RARB: variants seen among roughly 807,000 people sequenced by gnomAD.
RARB encodes the protein retinoic acid receptor beta.
RARB carries 17 observed loss-of-function variants against 51.9 expected under a neutral mutation model. That is an observed-to-expected ratio of 0.33 (90% CI 0.22 to 0.49). RARB has a LOEUF of 0.49. Ranked by LOEUF, RARB falls within the 20% of genes least tolerant of loss-of-function variation. RARB has a pLI of 0.99. For missense variants in RARB, 369 were observed against 550.8 expected (o/e 0.67, Z 3.30); for synonymous variants, 215 against 195.4 (o/e 1.10, Z -0.84).
At chr3:24,972,017 C>G (rs1280207957) in intron 2 of RARB, among the ~76,000 whole-genome samples, 4 of 151,840 alleles carry the variant, frequency 2.6e-5, no homozygotes, top group Non-Finnish European at 4.4e-5. Context: ...TTATTCTCTT[C>G]TAGCTATTTT....
intron 2 of RARB, among the ~76,000 whole-genome samples, chr3:24,889,304 G>A (rs938296191): frequency 6.6e-6 from 1 of 152,154 alleles, no homozygotes; most frequent in Admixed American, 6.5e-5. Context: ...ATTAATAAGA[G>A]AGTTAACCTT....
intron 2 of RARB, among the ~76,000 whole-genome samples, chr3:24,888,189 A>G (rs1029818090): frequency 1.8e-4 from 28 of 152,184 alleles, no homozygotes; most frequent in African/African-American, 6.0e-4. Flanking sequence ...GCTGTTCTAC[A>G]TGGAATATCA....
At chr3:25,548,642 CAA>C (rs35411774) in intron 3 of RARB, among the ~76,000 whole-genome samples, 823 of 73,590 alleles carry the variant, frequency 0.011, 7 homozygotes, top group African/African-American at 0.044. Context: ...CCTCCCCCGA[CAA>C]AAAAAAAAAA....
At chr3:25,101,427 T>C (rs1240945252) in intron 3 of RARB, among the ~76,000 whole-genome samples, 1 of 152,160 alleles carries the variant, frequency 6.6e-6, no homozygotes, top group Non-Finnish European at 1.5e-5. Flanking sequence ...ATGAGAAAAT[T>C]GTATTATCTA....
intron 2 of RARB, among the ~76,000 whole-genome samples, chr3:25,027,935 G>A (rs1697785630): frequency 6.6e-6 from 1 of 151,336 alleles, no homozygotes; most frequent in African/African-American, 2.4e-5. Flanking sequence ...GCACACTTAA[G>A]ACCTTCTCTG....
chr3:24,876,011 G>A (rs938463430), intron 2 of RARB, among the ~76,000 whole-genome samples: 1 of 152,000 alleles, frequency 6.6e-6, no homozygotes, highest in African/African-American at 2.4e-5. Context: ...CCCTCCGTTT[G>A]GATCTAATAA....
intron 2 of RARB, among the ~76,000 whole-genome samples, chr3:25,040,965 G>A (rs1575131856): frequency 6.6e-6 from 1 of 152,152 alleles, no homozygotes; most frequent in South Asian, 2.1e-4. Context: ...GTTTTTGGTT[G>A]CATCATTCAT....
chr3:25,079,048 GT>G (rs113963226), intron 3 of RARB, among the ~76,000 whole-genome samples: 38 of 148,360 alleles, frequency 2.6e-4, no homozygotes, highest in Admixed American at 4.7e-4. Flanking sequence ...ATTTATGTAG[GT>G]TTTTTTTTTA....
At chr3:25,375,969 G>C (rs534280065) in intron 5 of RARB, among the ~76,000 whole-genome samples, 61 of 152,160 alleles carry the variant, frequency 4.0e-4, no homozygotes, top group Non-Finnish European at 7.9e-4. Flanking sequence ...AAGAAATGGG[G>C]ATAATGTTAC....
chr3:25,481,772 A>T (rs368257984), intron 2 of RARB, among the ~76,000 whole-genome samples: 1 of 151,984 alleles, frequency 6.6e-6, no homozygotes, highest in African/African-American at 2.4e-5. Context: ...ACCTTTTACC[A>T]CTTCCATTTG....
At chr3:25,020,100 TTCTC>T (rs1366865964) in intron 2 of RARB, 11 of 143,842 alleles carry the variant, frequency 7.6e-5, no homozygotes, top group African/African-American at 2.5e-4. Context: ...TATACTCAAG[TTCTC>T]TATTATTATT....
At chr3:25,470,759 C>CT (rs1366958027) in intron 2 of RARB, among the ~76,000 whole-genome samples, 3 of 152,180 alleles carry the variant, frequency 2.0e-5, no homozygotes, top group African/African-American at 7.2e-5. Flanking sequence ...AGGTCCCCCT[C>CT]TTTTACATTT....
chr3:25,030,018 GC>G (rs2125289512), intron 2 of RARB, among the ~76,000 whole-genome samples: 1 of 152,318 alleles, frequency 6.6e-6, no homozygotes, highest in African/African-American at 2.4e-5. Context: ...CCGTTGGAAA[GC>G]CCTTTATTCC....
chr3:25,258,561 G>A (rs984016690), intron 5 of RARB, among the ~76,000 whole-genome samples: 9 of 152,118 alleles, frequency 5.9e-5, no homozygotes, highest in African/African-American at 1.9e-4. Context: ...CCTGAAGTGG[G>A]CATTTGGAAT....
chr3:25,471,935 C>G (rs778089903), intron 2 of RARB, among the ~76,000 whole-genome samples: 3 of 152,278 alleles, frequency 2.0e-5, no homozygotes, highest in Middle Eastern at 3.4e-3. Context: ...ATCAGCCCCC[C>G]TCTACCTTCT....
At chr3:25,029,633 C>G (rs567208065) in intron 2 of RARB, among the ~76,000 whole-genome samples, 1 of 152,164 alleles carries the variant, frequency 6.6e-6, no homozygotes, top group Non-Finnish European at 1.5e-5. Flanking sequence ...CTATTTCTCA[C>G]CCACTTCATT....
intron 2 of RARB, among the ~76,000 whole-genome samples, chr3:24,909,115 G>T (rs914107888): frequency 7.2e-5 from 11 of 152,086 alleles, no homozygotes; most frequent in African/African-American, 2.4e-4. Flanking sequence ...ATGGCCTTTT[G>T]GTGGAGTAGG....
At chr3:25,444,408 C>T (rs538363428) in intron 1 of RARB, among the ~76,000 whole-genome samples, 5 of 152,310 alleles carry the variant, frequency 3.3e-5, no homozygotes, top group Non-Finnish European at 5.9e-5. Context: ...GGAAATAATA[C>T]GTTTTTAACA....
At chr3:25,378,989 T>C (rs1177174524) in intron 5 of RARB, among the ~76,000 whole-genome samples, 3 of 152,240 alleles carry the variant, frequency 2.0e-5, no homozygotes, top group African/African-American at 4.8e-5. Context: ...TCCCTAATTA[T>C]TTAAGATTGC....
Sources: allele counts gnomAD v4.1 joint callset (sites outside exome capture counted in the v4.1 genomes callset), GRCh38; gene constraint gnomAD v4.1.1; transcripts MANE v1.5; gene names NCBI Gene and HGNC (gene_info 2026-07-23, HGNC 2026-07-21).